The following ZDHHC15 variants were observed in gnomAD, a reference collection of about 807,000 sequenced individuals.
ZDHHC15 encodes the protein zDHHC palmitoyltransferase 15.
In ZDHHC15, 19 loss-of-function variants were observed where a neutral mutation model predicts 31.7. The observed-to-expected ratio is 0.60, with a 90% CI of 0.42 to 0.88. The LOEUF (loss-of-function observed/expected upper bound fraction) is 0.88. ZDHHC15 is among the 40% of genes least tolerant of loss of function. The pLI is 0.00. For missense variants in ZDHHC15, 209 were observed against 251.2 expected (o/e 0.83, Z 1.14); for synonymous variants, 103 against 90.0 (o/e 1.14, Z -0.82).
At chrX:75,418,368 T>G (rs1189126743) in intron 9 of ZDHHC15, among the ~76,000 whole-genome samples, 2 of 111,770 alleles carry the variant, frequency 1.8e-5, no homozygotes, top group African/African-American at 3.3e-5. Flanking sequence ...TGTATTCCTG[T>G]CTAAGGAGGG....
In ZDHHC15 at chrX:75,458,256, A is replaced by C. The variant is rs754343385; in HGVS notation, c.259-7334T>G. ...AGGATTCCTTTTTTATGGACTTCAA[A>C]AACAGGCAAAACCAATCTATGGTGA... is the stretch of plus-strand genomic sequence containing the variant. On this transcript the variant is annotated intron_variant, in intron 3 of 11. Transcript: ENST00000373367. 1.1e-4 allele frequency among the ~76,000 whole-genome samples: 12 copies of C among 111,912 alleles called. No homozygotes were observed. In the South Asian group the frequency reaches 4.5e-3, roughly 42 times the overall value.
intron 1 of ZDHHC15, among the ~76,000 whole-genome samples, chrX:75,509,627 C>T (rs1457272564): frequency 8.9e-6 from 1 of 112,187 alleles, no homozygotes; most frequent in African/African-American, 3.2e-5. Flanking sequence ...CGTATTTTGG[C>T]TCTTGACACT....
intron 2 of ZDHHC15, among the ~76,000 whole-genome samples, chrX:75,499,092 T>C (rs1015340204): frequency 9.0e-6 from 1 of 111,405 alleles, no homozygotes; most frequent in Non-Finnish European, 1.9e-5. Context: ...TGCAGAAGAA[T>C]GAAACTGAAG....
intron 1 of ZDHHC15, 67 bp downstream of exon 1, chrX:75,522,822 G>T: frequency 8.5e-7 from 1 of 1,181,590 alleles, no homozygotes; most frequent in Non-Finnish European, 1.1e-6. Context: ...GGACACCAGT[G>T]TGAAGGTAGG....
intron 4 of ZDHHC15, 43 bp from the exon 5 acceptor site, chrX:75,431,563 A>T (rs1346958154): frequency 9.0e-7 from 1 of 1,108,895 alleles, no homozygotes; most frequent in East Asian, 3.0e-5. Context: ...GTTAGGGCTC[A>T]ATATAAGACC....
intron 11 of ZDHHC15, among the ~76,000 whole-genome samples, chrX:75,374,698 TA>T (rs1182867874): frequency 5.8e-5 from 6 of 103,877 alleles, no homozygotes; most frequent in East Asian, 3.7e-4. Context: ...TATATATATA[TA>T]ATATATGTAT....
chrX:75,449,724 A>T (rs1252123201), intron 4 of ZDHHC15, among the ~76,000 whole-genome samples: 1 of 112,322 alleles, frequency 8.9e-6, no homozygotes, highest in African/African-American at 3.2e-5. Flanking sequence ...ACAAATGAAT[A>T]TGTGTCTGAC....
intron 10 of ZDHHC15, among the ~76,000 whole-genome samples, chrX:75,387,075 A>T (rs775427870): frequency 8.9e-6 from 1 of 111,755 alleles, no homozygotes; most frequent in South Asian, 3.8e-4. Flanking sequence ...TGTTTACTAG[A>T]TCCTAGGAAA....
chrX:75,436,273 G>A lies in ZDHHC15; in HGVS notation c.380-4753C>T, dbSNP rs764009579. On this transcript the variant is annotated intron_variant, in intron 4 of 11. Coordinates refer to ENST00000373367, the MANE Select transcript of ZDHHC15 (RefSeq NM_144969.3). ...AATTGTCTATCAATTTTATCTTTTC[G>A]AAGAACAAGCTTTTCGTTTCATTTA... 4.1e-4 allele frequency among the ~76,000 whole-genome samples: 45 copies of A among 110,960 alleles called. 1 individual carries two copies. The highest frequency in any genetic ancestry group is 9.8e-4 in the African/African-American group (30 of 30,620).
intron 10 of ZDHHC15, among the ~76,000 whole-genome samples, chrX:75,407,009 C>T (rs761017160): frequency 8.9e-6 from 1 of 112,618 alleles, no homozygotes; most frequent in Non-Finnish European, 1.9e-5. Context: ...GGCTGGAGTG[C>T]AGTGGCGTGA....
At chrX:75,406,965 A>C (rs2083418180) in intron 10 of ZDHHC15, among the ~76,000 whole-genome samples, 1 of 112,034 alleles carries the variant, frequency 8.9e-6, no homozygotes, top group South Asian at 3.7e-4. Flanking sequence ...TCAATCACAA[A>C]TTTAAAACAT....
intron 2 of ZDHHC15, among the ~76,000 whole-genome samples, chrX:75,481,030 C>T (rs1481697803): frequency 9.0e-6 from 1 of 111,367 alleles, no homozygotes; most frequent in Non-Finnish European, 1.9e-5. Flanking sequence ...TAGCTGGCTA[C>T]CCCCTGGGAG....
chrX:75,474,581 C>T (rs1569349287), intron 3 of ZDHHC15, among the ~76,000 whole-genome samples: 18 of 8,293 alleles, frequency 2.2e-3, no homozygotes, highest in Non-Finnish European at 9.1e-3. Context: ...TATACACACA[C>T]ACACACACAC....
chrX:75,481,996 G>A (rs1288473892), intron 2 of ZDHHC15, among the ~76,000 whole-genome samples: 1 of 111,858 alleles, frequency 8.9e-6, no homozygotes, highest in Non-Finnish European at 1.9e-5. Context: ...GCTAGACCTT[G>A]TTTTTCAGCT....
At chrX:75,393,995 G>T (rs1311505066) in intron 10 of ZDHHC15, among the ~76,000 whole-genome samples, 1 of 111,018 alleles carries the variant, frequency 9.0e-6, no homozygotes, top group Non-Finnish European at 1.9e-5. Context: ...TGTGCTGGCA[G>T]CTGATTAGAT....
chrX:75,505,712 CAA>C, intron 2 of ZDHHC15, 107 bp downstream of exon 2: 1 of 916,674 alleles, frequency 1.1e-6, no homozygotes, highest in Non-Finnish European at 1.5e-6. Flanking sequence ...TCTCCTCACC[CAA>C]GTTTATTTCT....
chrX:75,396,335 G>A (rs1010189235), intron 10 of ZDHHC15, among the ~76,000 whole-genome samples: 5 of 112,122 alleles, frequency 4.5e-5, no homozygotes, highest in Non-Finnish European at 9.4e-5. Flanking sequence ...ATGGGCAAAA[G>A]ATGTGAATAG....
At chrX:75,503,470 A>T (rs1477479399) in intron 2 of ZDHHC15, among the ~76,000 whole-genome samples, 1 of 111,042 alleles carries the variant, frequency 9.0e-6, no homozygotes, top group East Asian at 2.8e-4. Flanking sequence ...ATTAACTATT[A>T]TTTTGTATTT....
chrX:75,408,777 T>C (rs182724615), intron 10 of ZDHHC15, among the ~76,000 whole-genome samples: 264 of 111,988 alleles, frequency 2.4e-3, no homozygotes, highest in African/African-American at 8.2e-3. Flanking sequence ...CCTACGAAAA[T>C]CAGTAGAATT....
Sources: gnomAD v4.1 joint callset for allele counts (sites outside exome capture counted in the v4.1 genomes callset) on GRCh38, gnomAD v4.1.1 for gene constraint, MANE v1.5 for transcripts, NCBI Gene and HGNC (gene_info 2026-07-23, HGNC 2026-07-21) for gene names.